LSAMP: variants seen among roughly 807,000 people sequenced by gnomAD.
The protein encoded by LSAMP is limbic system-associated membrane protein.
In LSAMP, 7 loss-of-function variants were observed where a neutral mutation model predicts 38.6. That is an observed-to-expected ratio of 0.18 (90% CI 0.10 to 0.34). The LOEUF (loss-of-function observed/expected upper bound fraction) is 0.34, where lower values mean the gene tolerates loss of function less well. Among genes scored for constraint, LSAMP ranks in the 10% least tolerant of loss-of-function variants. The pLI is 1.00. For missense variants in LSAMP, 313 were observed against 420.0 expected, an observed-to-expected ratio of 0.75 and a Z score of 2.23; for synonymous variants, 154 against 166.8, an observed-to-expected ratio of 0.92 and a Z score of 0.59.
At chr3:115,928,600 G>C (rs1314760791) in intron 3 of LSAMP, among the ~76,000 whole-genome samples, 1 of 152,234 alleles carries the variant, frequency 6.6e-6, no homozygotes, top group Non-Finnish European at 1.5e-5. Context: ...AATCTCTAGA[G>C]ATGTTTTATA....
intron 1 of LSAMP, among the ~76,000 whole-genome samples, chr3:116,210,460 G>A (rs1439513926): frequency 1.3e-5 from 2 of 152,120 alleles, no homozygotes; most frequent in African/African-American, 4.8e-5. Flanking sequence ...AACATCAGAC[G>A]GCAAGTTCTT....
chr3:116,336,039 C>A (rs2047916317), intron 1 of LSAMP, among the ~76,000 whole-genome samples: 1 of 151,940 alleles, frequency 6.6e-6, no homozygotes, highest in Non-Finnish European at 1.5e-5. Context: ...ACAAATGGTG[C>A]TAAGAAATCT....
In LSAMP at chr3:116,060,198, G is replaced by GTTTTTTTTTTT. The variant is rs55818433; in HGVS notation, c.388+26115_388+26125dup. On this transcript the variant is annotated intron_variant, in intron 2 of 6. Coordinates refer to ENST00000490035, the MANE Select transcript of LSAMP (RefSeq NM_002338.5). ...TTGCCTAAGTCTTTAAAGCAACATA[G>GTTTTTTTTTTT]TTTTTTTTTTTTTTACTAGCAGCAT... is the stretch of plus-strand genomic sequence containing the variant. Among the ~76,000 whole-genome samples the GTTTTTTTTTTT allele has an allele frequency of 1.1e-3, 150 of 141,998 alleles. 2 individuals carry two copies. The highest frequency in any genetic ancestry group is 3.9e-3 in the African/African-American group (144 of 37,190). 93.2% of individuals were successfully genotyped at this position (141,998 alleles called of 152,430 possible).
Position 116,283,296 on chromosome 3 carries a change from T to C in LSAMP, c.155+161581A>G, listed in dbSNP as rs141484252. Among the ~76,000 whole-genome samples, 555 of 152,256 alleles carry C rather than the reference T, an allele frequency of 3.6e-3. 5 individuals are homozygous for C. Among genetic ancestry groups the C allele is most frequent in the African/African-American group, 0.013 (539 of 41,526 alleles). ...CCTAGTTACGTGTTCATCGGTGCTA[T>C]TTGAAGAAATATATGATACAATTAT... On this transcript the variant is annotated intron_variant, in intron 1 of 6. Coordinates refer to ENST00000490035, the MANE Select transcript of LSAMP (RefSeq NM_002338.5).
At chr3:116,215,165 G>A (rs561461568) in intron 1 of LSAMP, among the ~76,000 whole-genome samples, 22 of 152,244 alleles carry the variant, frequency 1.4e-4, no homozygotes, top group Non-Finnish European at 2.2e-4. Flanking sequence ...TAAGGAAAAC[G>A]AAATAAATAA....
At chr3:116,015,935 A>T (rs1399598175) in intron 3 of LSAMP, among the ~76,000 whole-genome samples, 3 of 152,084 alleles carry the variant, frequency 2.0e-5, no homozygotes, top group Admixed American at 2.0e-4. Context: ...GGTCGAGTTA[A>T]TTACAGGTAT....
intron 1 of LSAMP, among the ~76,000 whole-genome samples, chr3:116,220,872 C>T (rs545949035): frequency 6.6e-6 from 1 of 152,068 alleles, no homozygotes; most frequent in Non-Finnish European, 1.5e-5. Context: ...AAAGGGGAAG[C>T]GGCTGGGCGC....
At chr3:115,943,522 G>T (rs1455443164) in intron 3 of LSAMP, among the ~76,000 whole-genome samples, 1 of 152,166 alleles carries the variant, frequency 6.6e-6, no homozygotes, top group African/African-American at 2.4e-5. Context: ...TAATCAGGGA[G>T]ACCATGAGCA....
intron 6 of LSAMP, among the ~76,000 whole-genome samples, chr3:115,823,526 G>A (rs191366705): frequency 2.0e-5 from 3 of 152,166 alleles, no homozygotes; most frequent in Non-Finnish European, 4.4e-5. Context: ...GATTACACAG[G>A]AGCTTTATTT....
At chr3:116,443,509 C>T (rs778862324) in intron 1 of LSAMP, among the ~76,000 whole-genome samples, 42 of 152,098 alleles carry the variant, frequency 2.8e-4, no homozygotes, top group African/African-American at 8.7e-4. Flanking sequence ...CACACACTTT[C>T]GTCTCTAACA....
chr3:116,155,965 T>G (rs1709737770), intron 1 of LSAMP, among the ~76,000 whole-genome samples: 1 of 152,142 alleles, frequency 6.6e-6, no homozygotes, highest in African/African-American at 2.4e-5. Context: ...GTGAGCCAAG[T>G]TCTTCCCTGG....
intron 1 of LSAMP, among the ~76,000 whole-genome samples, chr3:116,281,125 A>G (rs2047121342): frequency 6.6e-6 from 1 of 152,198 alleles, no homozygotes; most frequent in South Asian, 2.1e-4. Flanking sequence ...GATTCCTGAA[A>G]CAAAGGAAGA....
intron 3 of LSAMP, among the ~76,000 whole-genome samples, chr3:115,912,610 T>G (rs1937159975): frequency 6.6e-6 from 1 of 152,210 alleles, no homozygotes; most frequent in South Asian, 2.1e-4. Context: ...AGTGTAGAAG[T>G]CTGGGCTCCA....
At position 116,124,254 on chromosome 3, in the gene LSAMP, G is replaced by T. The variant is rs368626173; in HGVS notation, c.156-37698C>A. On this transcript the variant is annotated intron_variant, in intron 1 of 6. Transcript: ENST00000490035. Reference sequence around the variant, plus strand: ...GTAAAAATTTTTTCCATTGAAATTTGCCTAGTTTGAATAGAAGACCTACCA... The same window carrying T: ...GTAAAAATTTTTTCCATTGAAATTTTCCTAGTTTGAATAGAAGACCTACCA... Among the ~76,000 whole-genome samples, 23 of 152,212 alleles carry T rather than the reference G, an allele frequency of 1.5e-4. No homozygotes were observed. The East Asian group carries it at 3.3e-3, about 22-fold the overall frequency.
chr3:115,852,821 A>C (rs2107523449), intron 3 of LSAMP, among the ~76,000 whole-genome samples: 1 of 152,288 alleles, frequency 6.6e-6, no homozygotes, highest in East Asian at 1.9e-4. Flanking sequence ...CTCAGGAAAA[A>C]CCAGAAAGAA....
At chr3:116,074,053 C>T (rs1707674734) in intron 2 of LSAMP, among the ~76,000 whole-genome samples, 4 of 152,192 alleles carry the variant, frequency 2.6e-5, no homozygotes. Context: ...AATGATACAA[C>T]CACTTCCATA....
chr3:116,226,950 C>T (rs978801161), intron 1 of LSAMP, among the ~76,000 whole-genome samples: 9 of 152,194 alleles, frequency 5.9e-5, no homozygotes, highest in African/African-American at 9.6e-5. Flanking sequence ...AATTTTTTTT[C>T]AGAAATACAT....
intron 2 of LSAMP, among the ~76,000 whole-genome samples, chr3:116,048,672 AC>A (rs1452939884): frequency 6.6e-6 from 1 of 152,242 alleles, no homozygotes; most frequent in Admixed American, 6.5e-5. Context: ...AGTACTTATT[AC>A]GTATTAGAAA....
rs117678018 is a variant in LSAMP at position 116,415,634 on chromosome 3, A to C, written c.155+29243T>G. Among the ~76,000 whole-genome samples, 59 of 152,236 alleles carry C rather than the reference A, an allele frequency of 3.9e-4. No homozygotes were observed. The East Asian group carries it at 0.011, about 27-fold the overall frequency. ...GCTTGGCATCCCTCAAGTTAGGTGT[A>C]TAGATGATTATGGGAAACTGGCATG... On this transcript the variant is annotated intron_variant, in intron 1 of 6. Transcript: ENST00000490035.
Sources: gnomAD v4.1 joint callset for allele counts (sites outside exome capture counted in the v4.1 genomes callset) on GRCh38, gnomAD v4.1.1 for gene constraint, MANE v1.5 for transcripts, NCBI Gene and HGNC (gene_info 2026-07-23, HGNC 2026-07-21) for gene names.